ZSCAN21: variants seen among roughly 807,000 people sequenced by gnomAD.
ZSCAN21 encodes the protein zinc finger and SCAN domain-containing protein 21.
ZSCAN21 carries 26 observed loss-of-function variants against 35.6 expected under a neutral mutation model. The observed-to-expected ratio is 0.73, with a 90% CI of 0.54 to 1.01. The LOEUF (loss-of-function observed/expected upper bound fraction) is 1.01. ZSCAN21 is among the 50% of genes least tolerant of loss of function. ZSCAN21 has a pLI of 0.00. For missense variants in ZSCAN21, 593 were observed against 587.1 expected, an observed-to-expected ratio of 1.01 and a Z score of -0.10; for synonymous variants, 219 against 219.3, an observed-to-expected ratio of 1.00 and a Z score of 0.01.
At chr7:100,055,863 C>T (rs1156451871) in intron 1 of ZSCAN21, among the ~76,000 whole-genome samples, 27 of 150,514 alleles carry the variant, frequency 1.8e-4, no homozygotes, top group African/African-American at 5.4e-4. Flanking sequence ...AGGATGGTCT[C>T]GATCTCCTGA....
chr7:100,061,784 G>T (rs1213219256), intron 3 of ZSCAN21, among the ~76,000 whole-genome samples: 3 of 152,158 alleles, frequency 2.0e-5, no homozygotes, highest in African/African-American at 7.2e-5. Context: ...CCTAGGGAAG[G>T]GGAAACGGGT....
chr7:100,055,478 G>A (rs1792041112), intron 1 of ZSCAN21, among the ~76,000 whole-genome samples: 1 of 152,062 alleles, frequency 6.6e-6, no homozygotes, highest in African/African-American at 2.4e-5. Flanking sequence ...TGTTGGCCAG[G>A]CTGGTCTCAA....
Position 100,057,317 on chromosome 7 carries a change from G to A in ZSCAN21, c.311G>A (p.Trp104Ter). The A allele has an allele frequency of 6.2e-7, 1 of 1,611,614 alleles. No individual in the cohort carries two copies. The highest frequency in any genetic ancestry group is 1.1e-5 in the South Asian group (1 of 90,914). Residue 104 changes from tryptophan (W) to a stop codon, truncating the protein, a stop_gained, in exon 2 of 4, where the codon TGG (tryptophan) becomes TAG (stop). Transcript: ENST00000292450. LOFTEE classifies it high-confidence loss of function. Reference sequence around the variant, plus strand: ...ATCCTGCCCCAGGAGCTCCAGGCCTGGGTGCAGGAGCATTGCCCGGAGAGC... The same window carrying A: ...ATCCTGCCCCAGGAGCTCCAGGCCTAGGTGCAGGAGCATTGCCCGGAGAGC... ...LTILPQELQA[W>*]VQEHCPESAE... is the part of the protein sequence containing the mutation.
At position 100,064,744 on chromosome 7, in the gene ZSCAN21, C is replaced by T. The variant is rs762857335; in HGVS notation, c.*127C>T. ...TGTATCACTCAACATCAGGGGATGCCTGAGGAGTGCGAGCTCCACAGCAAC... is the reference window on the plus strand; with the variant it reads ...TGTATCACTCAACATCAGGGGATGCTTGAGGAGTGCGAGCTCCACAGCAAC... On this transcript the variant is annotated 3_prime_UTR_variant, in exon 4 of 4. Transcript: ENST00000292450. 6.2e-7 allele frequency: 1 copy of T among 1,613,928 alleles called. No homozygotes were observed. The highest frequency in any genetic ancestry group is 2.2e-5 in the East Asian group (1 of 44,882).
At chr7:100,059,952 C>T (rs1276099336) in intron 3 of ZSCAN21, among the ~76,000 whole-genome samples, 1 of 152,150 alleles carries the variant, frequency 6.6e-6, no homozygotes, top group Non-Finnish European at 1.5e-5. Flanking sequence ...TCATGATCCG[C>T]CCTCCTCGGC....
chr7:100,063,860 G>A lies in ZSCAN21; in HGVS notation c.665G>A (p.Gly222Glu), dbSNP rs181156018. ...GGTTCTGAAGCAGAGGGGCTCAAAG[G>A]GGATATAATTTCTGTGATTATCGCC... is the stretch of plus-strand genomic sequence containing the variant. ...QKGSEAEGLK[G>E]DIISVIIANK... Residue 222 changes from glycine to glutamate, a missense_variant, in exon 4 of 4, where the codon GGG (glycine) becomes GAG (glutamate). Transcript: ENST00000292450. The A allele has an allele frequency of 2.5e-6, 4 of 1,614,084 alleles. No homozygotes were observed. In the African/African-American group the frequency reaches 5.3e-5, roughly 22 times the overall value.
intron 1 of ZSCAN21, among the ~76,000 whole-genome samples, chr7:100,053,546 A>ATACATACATACATACATACATACATAAT (rs755978112): frequency 1.3e-5 from 1 of 79,488 alleles, no homozygotes; most frequent in African/African-American, 5.6e-5. Flanking sequence ...TACATACATA[A>ATACATACATACATACATACATACATAAT]TTTTTTTTTT....
In ZSCAN21 at chr7:100,056,902, T is replaced by C; in HGVS notation, c.-96-9T>C. The C allele has an allele frequency of 8.1e-7, 1 of 1,227,636 alleles. No homozygotes were observed. Among genetic ancestry groups the C allele is most frequent in the Non-Finnish European group, 1.1e-6 (1 of 899,108 alleles). The allele number at this position is 1,227,636 out of a possible 1,614,324, so 76.0% of individuals were successfully genotyped here. A position where few individuals can be genotyped will look rare whatever the true frequency, so the allele number is the denominator to read the frequency against. The stretch of plus-strand genomic sequence containing the variant: ...GTTTGATTATTTTTTGGTAACTATA[T>C]TTTCTTAGGTTTAACTTGTGGCCCT... On this transcript the variant is annotated splice_polypyrimidine_tract_variant and intron_variant, in intron 1 of 3. Transcript: ENST00000292450.
In ZSCAN21 at chr7:100,055,055, A is replaced by T. The variant is rs1246572615; in HGVS notation, c.-96-1856A>T. On this transcript the variant is annotated intron_variant, in intron 1 of 3. Transcript: ENST00000292450. Reference sequence around the variant, plus strand: ...ACTGCATCCTTCCCCTCCCAGGTTAAAGCGATTCTCCTGCCTCAGCCTCCT... The same window carrying T: ...ACTGCATCCTTCCCCTCCCAGGTTATAGCGATTCTCCTGCCTCAGCCTCCT... 2.7e-5 allele frequency among the ~76,000 whole-genome samples: 4 copies of T among 149,024 alleles called. No individual in the cohort carries two copies. In the East Asian group the frequency reaches 6.1e-4, roughly 23 times the overall value.
Position 100,064,354 on chromosome 7 carries a change from C to T in ZSCAN21, c.1159C>T (p.Pro387Ser). 6.2e-7 allele frequency: 1 copy of T among 1,614,104 alleles called. No individual in the cohort carries two copies. Among genetic ancestry groups the T allele is most frequent in the Non-Finnish European group, 8.5e-7 (1 of 1,180,032 alleles). The change falls in exon 4 of 4, where the codon CCT (proline) becomes TCT (serine). Residue 387 changes from proline to serine, a missense_variant. Physicochemically the swap from Pro to Ser is moderately conservative, Grantham distance 74 (BLOSUM62 -1). Coordinates refer to ENST00000292450, the MANE Select transcript of ZSCAN21 (RefSeq NM_145914.3). Reference protein sequence around the residue: ...RHYRIHTGEKPYQCNECGKSF... With the variant: ...RHYRIHTGEKSYQCNECGKSF... Reference sequence around the variant, plus strand: ...CTATCGGATCCACACTGGGGAGAAGCCTTATCAGTGTAACGAATGTGGGAA... The same window carrying T: ...CTATCGGATCCACACTGGGGAGAAGTCTTATCAGTGTAACGAATGTGGGAA...
chr7:100,061,081 A>G (rs113276777), intron 3 of ZSCAN21, among the ~76,000 whole-genome samples: 15 of 152,250 alleles, frequency 9.9e-5, no homozygotes, highest in African/African-American at 2.9e-4. Flanking sequence ...TAACCAAGAC[A>G]TAAAAGACGG....
chr7:100,057,479 A>C (rs1399092783), intron 2 of ZSCAN21, 74 bp downstream of exon 2: 1 of 1,483,944 alleles, frequency 6.7e-7, no homozygotes, highest in Non-Finnish European at 8.9e-7. Context: ...GGGTTTGTCC[A>C]TACATTAAGA....
chr7:100,053,674 CA>C (rs1483256693), intron 1 of ZSCAN21, among the ~76,000 whole-genome samples: 1 of 151,506 alleles, frequency 6.6e-6, no homozygotes, highest in Admixed American at 6.6e-5. Context: ...CTCAGCCTCC[CA>C]AGTAGCTGGG....
intron 1 of ZSCAN21, 125 bp from the exon 2 acceptor site, chr7:100,056,786 G>C (rs545854125): frequency 1.3e-5 from 6 of 472,996 alleles, no homozygotes; most frequent in Admixed American, 1.1e-4. Flanking sequence ...ATTTTGAGCA[G>C]TTGTTTTTGT....
In ZSCAN21 at chr7:100,057,085, A is replaced by G. The variant is rs138713462; in HGVS notation, c.79A>G (p.Lys27Glu). The G allele has an allele frequency of 6.4e-4, 1,037 of 1,613,950 alleles. No homozygotes were observed. The highest frequency in any genetic ancestry group is 8.2e-4 in the Non-Finnish European group (969 of 1,180,006). ...PQEQVGPLMV[K>E]VEEKEEKGKY... ...GGAGCAGGTGGGGCCTCTGATGGTA[A>G]AAGTCGAGGAGAAAGAAGAGAAAGG... The change falls in exon 2 of 4, where the codon AAA (lysine) becomes GAA (glutamate). Residue 27 changes from lysine (K) to glutamate (E), a missense_variant. Physicochemically the swap from Lys to Glu is moderately conservative, Grantham distance 56 (BLOSUM62 1). Transcript: ENST00000292450.
Position 100,063,840 on chromosome 7 carries a change from T to G in ZSCAN21, c.645T>G (p.Ser215=), listed in dbSNP as rs755308043. 49 of 1,613,738 alleles carry G rather than the reference T, an allele frequency of 3.0e-5. 1 individual carries two copies. The South Asian group carries it at 4.2e-4, about 14-fold the overall frequency. The part of the protein sequence containing the change: ...HEESADEQKG[S]EAEGLKGDII... ...AATCAGCAGATGAGCAGAAAGGTTC[T>G]GAAGCAGAGGGGCTCAAAGGGGATA... is the stretch of plus-strand genomic sequence containing the variant. The change falls in exon 4 of 4, where the codon TCT becomes TCG. Residue 215 remains serine (S), a synonymous_variant. Coordinates refer to ENST00000292450, the MANE Select transcript of ZSCAN21 (RefSeq NM_145914.3).
In ZSCAN21 at chr7:100,064,794, G is replaced by C. The variant is rs959486268; in HGVS notation, c.*177G>C. 2 of 1,614,026 alleles carry C rather than the reference G, an allele frequency of 1.2e-6. No individual in the cohort carries two copies. Among genetic ancestry groups the C allele is most frequent in the Non-Finnish European group, 1.7e-6 (2 of 1,180,046 alleles). The stretch of plus-strand genomic sequence containing the variant: ...CATGGCAGGCAGGAGGTCCTCAGAA[G>C]GTGTCAGGAGGTTCCACACTCGCCA... On this transcript the variant is annotated 3_prime_UTR_variant, in exon 4 of 4. Coordinates refer to ENST00000292450, the MANE Select transcript of ZSCAN21 (RefSeq NM_145914.3).
At chr7:100,050,981 C>T (rs987427229) in intron 1 of ZSCAN21, among the ~76,000 whole-genome samples, 3 of 151,276 alleles carry the variant, frequency 2.0e-5, no homozygotes, top group Non-Finnish European at 4.4e-5. Context: ...CACCTGAGGT[C>T]GGGAGTTCGA....
chr7:100,064,353 G>GC lies in ZSCAN21; in HGVS notation c.1160dup (p.Tyr388LeufsTer4). On this transcript the variant is annotated frameshift_variant, in exon 4 of 4. Transcript: ENST00000292450. LOFTEE classifies it high-confidence loss of function. The stretch of plus-strand genomic sequence containing the variant: ...ACTATCGGATCCACACTGGGGAGAA[G>GC]CCTTATCAGTGTAACGAATGTGGGA... 1.2e-6 allele frequency: 2 copies of GC among 1,614,122 alleles called. No individual in the cohort carries two copies. Among genetic ancestry groups the GC allele is most frequent in the African/African-American group, 2.7e-5 (2 of 75,014 alleles).
Sources: gnomAD v4.1 joint callset for allele counts (sites outside exome capture counted in the v4.1 genomes callset) on GRCh38, gnomAD v4.1.1 for gene constraint, MANE v1.5 for transcripts, NCBI Gene and HGNC (gene_info 2026-07-23, HGNC 2026-07-21) for gene names.